Variants in POU6F2 observed in about 807,000 individuals in gnomAD.
POU6F2 encodes POU class 6 homeobox 2.
Under a neutral mutation model 71.3 loss-of-function variants are expected in POU6F2, and 31 were observed. That is an observed-to-expected ratio of 0.43 (90% confidence interval 0.33 to 0.59). The LOEUF is 0.59. POU6F2 is among the 20% of genes least tolerant of loss of function. POU6F2 has a pLI of 0.04. For missense variants in POU6F2, 783 were observed against 856.8 expected (o/e 0.91, Z 1.07); for synonymous variants, 347 against 355.7 (o/e 0.98, Z 0.27).
At chr7:39,259,669 AC>A (rs889621776) in intron 4 of POU6F2, among the ~76,000 whole-genome samples, 2 of 152,082 alleles carry the variant, frequency 1.3e-5, no homozygotes, top group African/African-American at 4.8e-5. Flanking sequence ...GTAAGAGCAC[AC>A]TTGTGTATGC....
At chr7:39,258,421 T>C (rs1315104828) in intron 4 of POU6F2, among the ~76,000 whole-genome samples, 1 of 152,178 alleles carries the variant, frequency 6.6e-6, no homozygotes, top group Non-Finnish European at 1.5e-5. Flanking sequence ...AAAGTGTGTG[T>C]CACATTATTC....
At chr7:39,160,001 G>C (rs767817668) in intron 2 of POU6F2, among the ~76,000 whole-genome samples, 1 of 152,060 alleles carries the variant, frequency 6.6e-6, no homozygotes, top group Non-Finnish European at 1.5e-5. Context: ...AACATGAGAG[G>C]GCCGCTATCT....
At chr7:39,246,265 A>AG (rs1783819210) in intron 4 of POU6F2, among the ~76,000 whole-genome samples, 1 of 152,192 alleles carries the variant, frequency 6.6e-6, no homozygotes, top group Non-Finnish European at 1.5e-5. Context: ...GAGGAGACCA[A>AG]GGAAGGCCTG....
chr7:39,268,139 T>C (rs1475935756), intron 4 of POU6F2, among the ~76,000 whole-genome samples: 1 of 152,182 alleles, frequency 6.6e-6, no homozygotes, highest in Non-Finnish European at 1.5e-5. Context: ...GTTGTCTGCA[T>C]AGGGAGATGT....
rs1178669725 is a variant in POU6F2 at position 39,465,959 on chromosome 7, AACAC to A, written c.*1281_*1284del. 6.6e-6 allele frequency: 1 copy of A among 152,214 alleles called. No individual in the cohort carries two copies. The allele number at this position is 152,214 out of a possible 1,614,324, so 9.4% of individuals were successfully genotyped here. A position where few individuals can be genotyped will look rare whatever the true frequency, so the allele number is the denominator to read the frequency against. On this transcript the variant is annotated 3_prime_UTR_variant, in exon 10 of 10. Transcript: ENST00000518318. ...CACACATGACATGCACACACCCATA[AACAC>A]ACACACAAAGAAACAGGCTAAAAAG...
At chr7:39,339,530 A>C in intron 4 of POU6F2, 112 bp from the exon 5 acceptor site, 1 of 1,392,890 alleles carries the variant, frequency 7.2e-7, no homozygotes, top group Non-Finnish European at 9.5e-7. Context: ...GGGGGCAAGG[A>C]CAAGAATTTT....
rs1791616760 is a variant in POU6F2 at position 39,103,449 on chromosome 7, A to G, written c.277+17418A>G. On this transcript the variant is annotated intron_variant, in intron 2 of 9. Coordinates refer to ENST00000518318, the MANE Select transcript of POU6F2 (RefSeq NM_001370959.1). The stretch of plus-strand genomic sequence containing the variant: ...GACAAAGAGATGTTACATGGCCCAA[A>G]GTAGGCAATAAAGTGCTTTTTCCTG... Among the ~76,000 whole-genome samples, 2 of 152,190 alleles carry G rather than the reference A, an allele frequency of 1.3e-5. 1 individual carries two copies. The highest frequency in any genetic ancestry group is 4.1e-4 in the South Asian group (2 of 4,830).
chr7:39,049,763 T>C (rs192148207), intron 1 of POU6F2, among the ~76,000 whole-genome samples: 1 of 152,178 alleles, frequency 6.6e-6, no homozygotes, highest in Admixed American at 6.6e-5. Flanking sequence ...AATTTCTATA[T>C]CTTTACTGAG....
At chr7:39,188,323 T>A (rs919976659) in intron 2 of POU6F2, among the ~76,000 whole-genome samples, 14 of 148,640 alleles carry the variant, frequency 9.4e-5, no homozygotes, top group African/African-American at 2.4e-5. Flanking sequence ...TTTTTTAAAA[T>A]TTTTTTTGAG....
chr7:39,016,687 T>C (rs1222802414), intron 1 of POU6F2, among the ~76,000 whole-genome samples: 1 of 152,148 alleles, frequency 6.6e-6, no homozygotes, highest in African/African-American at 2.4e-5. Context: ...ACACGAGACT[T>C]TGACCCTATC....
intron 5 of POU6F2, among the ~76,000 whole-genome samples, chr7:39,386,607 A>T (rs1786949492): frequency 6.6e-6 from 1 of 152,188 alleles, no homozygotes; most frequent in South Asian, 2.1e-4. Flanking sequence ...CAGCACAGGG[A>T]CTGGACTATG....
intron 4 of POU6F2, among the ~76,000 whole-genome samples, chr7:39,213,317 G>A (rs549195600): frequency 2.0e-4 from 31 of 152,266 alleles, no homozygotes; most frequent in African/African-American, 7.5e-4. Context: ...TAAAGCCTGT[G>A]GATGCTGAAG....
At chr7:39,328,472 G>A (rs1785566124) in intron 4 of POU6F2, among the ~76,000 whole-genome samples, 3 of 152,172 alleles carry the variant, frequency 2.0e-5, no homozygotes, top group Non-Finnish European at 2.9e-5. Context: ...TATCATCAGT[G>A]GAGCCAAAGA....
At chr7:39,357,025 T>C (rs900788406) in intron 5 of POU6F2, among the ~76,000 whole-genome samples, 8 of 152,232 alleles carry the variant, frequency 5.3e-5, no homozygotes, top group Non-Finnish European at 1.0e-4. Flanking sequence ...CAGAATATAA[T>C]AGGCAAAGAA....
At chr7:39,416,746 A>T (rs2115940978) in intron 6 of POU6F2, among the ~76,000 whole-genome samples, 1 of 152,358 alleles carries the variant, frequency 6.6e-6, no homozygotes, top group East Asian at 1.9e-4. Context: ...AGAGGAGGAA[A>T]GAAAATACCA....
chr7:39,279,810 G>A (rs570721456), intron 4 of POU6F2, among the ~76,000 whole-genome samples: 7 of 152,100 alleles, frequency 4.6e-5, no homozygotes, highest in African/African-American at 1.7e-4. Context: ...ACAGTAGAGC[G>A]ATCTCGGCTT....
At chr7:38,986,300 G>C (rs859519) in intron 1 of POU6F2, among the ~76,000 whole-genome samples, 48,010 of 151,890 alleles carry the variant, frequency 0.32, 7,773 homozygotes, top group Non-Finnish European at 0.35. Flanking sequence ...CTCAAGAGAC[G>C]CTCCCACCTC....
intron 5 of POU6F2, among the ~76,000 whole-genome samples, chr7:39,369,705 A>T (rs1786571002): frequency 6.6e-6 from 1 of 151,856 alleles, no homozygotes; most frequent in Non-Finnish European, 1.5e-5. Flanking sequence ...TTTTTCAGAG[A>T]TGTGGTCTTG....
At chr7:39,290,603 TTA>T (rs1260423268) in intron 4 of POU6F2, among the ~76,000 whole-genome samples, 4 of 152,244 alleles carry the variant, frequency 2.6e-5, no homozygotes, top group African/African-American at 4.8e-5. Context: ...TAAATTTAAA[TTA>T]ACTGAGAATT....
Sources: allele counts gnomAD v4.1 joint callset (sites outside exome capture counted in the v4.1 genomes callset), GRCh38; gene constraint gnomAD v4.1.1; transcripts MANE v1.5; gene names NCBI Gene and HGNC (gene_info 2026-07-23, HGNC 2026-07-21).